The following BLTP3A variants were observed in gnomAD, a reference collection of about 807,000 sequenced individuals.
BLTP3A encodes bridge-like lipid transfer protein family member 3A.
the BLTP3A span, among the ~76,000 whole-genome samples, chr6:34,854,466 T>G: frequency 6.6e-6 from 1 of 152,184 alleles, no homozygotes; most frequent in Non-Finnish European, 1.5e-5. Flanking sequence ...TATTTAGGGT[T>G]TCTTAACCCA....
At chr6:34,808,669 A>C in the BLTP3A span, among the ~76,000 whole-genome samples, 1 of 152,038 alleles carries the variant, frequency 6.6e-6, no homozygotes, top group African/African-American at 2.4e-5. Flanking sequence ...CTGCAGCCTC[A>C]ACCCCCTGGG....
chr6:34,855,526 C>A, the BLTP3A span: 2 of 1,460,160 alleles, frequency 1.4e-6, no homozygotes, highest in African/African-American at 1.4e-5. Context: ...GGCTTTGAAG[C>A]TGGTCGTTAA....
the BLTP3A span, chr6:34,836,399 C>T: frequency 6.5e-7 from 1 of 1,548,920 alleles, no homozygotes; most frequent in South Asian, 1.1e-5. Context: ...CACTGTCTAG[C>T]TCTGGGCAGA....
chr6:34,810,982 A>G, the BLTP3A span, among the ~76,000 whole-genome samples: 5 of 152,200 alleles, frequency 3.3e-5, no homozygotes, highest in African/African-American at 9.6e-5. Flanking sequence ...CTTAATTTAA[A>G]AAATATTTCT....
chr6:34,863,266 A>G, the BLTP3A span, among the ~76,000 whole-genome samples: 1 of 152,140 alleles, frequency 6.6e-6, no homozygotes, highest in Non-Finnish European at 1.5e-5. Flanking sequence ...CATCTGTAAA[A>G]TGGGAGGGTG....
chr6:34,808,844 T>C, the BLTP3A span, among the ~76,000 whole-genome samples: 2 of 152,184 alleles, frequency 1.3e-5, no homozygotes, highest in African/African-American at 2.4e-5. Context: ...CCTAAAGTGT[T>C]AGGATTACAG....
chr6:34,854,660 A>T, the BLTP3A span, among the ~76,000 whole-genome samples: 3 of 152,190 alleles, frequency 2.0e-5, no homozygotes, highest in Non-Finnish European at 4.4e-5. Context: ...AAACAGAAAC[A>T]TTGTGTAGGG....
the BLTP3A span, among the ~76,000 whole-genome samples, chr6:34,850,974 C>T: frequency 6.6e-6 from 1 of 152,050 alleles, no homozygotes; most frequent in South Asian, 2.1e-4. Flanking sequence ...GGATTATAGG[C>T]AAGAGCCACT....
At chr6:34,859,288 A>G in the BLTP3A span, 2 of 1,613,780 alleles carry the variant, frequency 1.2e-6, no homozygotes, top group South Asian at 1.1e-5. Flanking sequence ...CCTACAGGCC[A>G]AGAAACTGAG....
the BLTP3A span, among the ~76,000 whole-genome samples, chr6:34,799,569 A>G: frequency 6.6e-6 from 1 of 152,190 alleles, no homozygotes; most frequent in Non-Finnish European, 1.5e-5. Context: ...CAACAGCATA[A>G]TATATGGTTC....
chr6:34,857,297 G>A, the BLTP3A span: 1 of 1,613,118 alleles, frequency 6.2e-7, no homozygotes, highest in Non-Finnish European at 8.5e-7. Context: ...AAGTTTGATT[G>A]TTGATACTAA....
At chr6:34,844,683 C>G in the BLTP3A span, among the ~76,000 whole-genome samples, 21,519 of 152,124 alleles carry the variant, frequency 0.14, 1,811 homozygotes, top group African/African-American at 0.23. Context: ...CTATTCAGGT[C>G]TTTTGCCCAT....
chr6:34,848,729 G>A, the BLTP3A span, among the ~76,000 whole-genome samples: 1 of 151,624 alleles, frequency 6.6e-6, no homozygotes, highest in East Asian at 1.9e-4. Context: ...TGTGTTTCTT[G>A]TAGAGAACAG....
At chr6:34,855,788 C>G in the BLTP3A span, 1 of 1,589,036 alleles carries the variant, frequency 6.3e-7, no homozygotes, top group Middle Eastern at 1.9e-4. Context: ...GACCGCTTAA[C>G]AGGAGGTTGC....
At chr6:34,825,469 A>G in the BLTP3A span, among the ~76,000 whole-genome samples, 1 of 152,060 alleles carries the variant, frequency 6.6e-6, no homozygotes, top group African/African-American at 2.4e-5. Flanking sequence ...CACCAGGCCC[A>G]GCTAATTTTT....
At chr6:34,861,055 CTCT>C in the BLTP3A span, among the ~76,000 whole-genome samples, 2 of 152,166 alleles carry the variant, frequency 1.3e-5, no homozygotes, top group South Asian at 4.1e-4. Context: ...CTTGGCTGCT[CTCT>C]TCTTCCTTTT....
the BLTP3A span, chr6:34,857,178 G>A: frequency 9.4e-7 from 1 of 1,063,898 alleles, no homozygotes. Flanking sequence ...GTGCGAGGCA[G>A]GTGTGAGAAC....
chr6:34,857,502 A>G, the BLTP3A span: 1 of 1,601,156 alleles, frequency 6.2e-7, no homozygotes. Context: ...TTTTCTGTCT[A>G]GCTCATGCTT....
the BLTP3A span, among the ~76,000 whole-genome samples, chr6:34,820,814 A>ATTTTTTTTT: frequency 9.7e-6 from 1 of 102,814 alleles, no homozygotes; most frequent in African/African-American, 4.8e-5. Flanking sequence ...ACCATGCCTA[A>ATTTTTTTTT]TTTTTTTTTT....
Sources: allele counts gnomAD v4.1 joint callset (sites outside exome capture counted in the v4.1 genomes callset), GRCh38; gene constraint gnomAD v4.1.1; transcripts MANE v1.5; gene names NCBI Gene and HGNC (gene_info 2026-07-23, HGNC 2026-07-21).